Variants in MARCHF3 observed in about 807,000 individuals in gnomAD.
MARCHF3 encodes membrane associated ring-CH-type finger 3, also known as E3 ubiquitin-protein ligase MARCHF3.
A neutral mutation model predicts 24.2 loss-of-function variants in MARCHF3; 13 were observed. That is an observed-to-expected ratio of 0.54 (90% CI 0.35 to 0.85). MARCHF3 has a LOEUF of 0.85. Ranked by LOEUF, MARCHF3 falls within the 40% of genes least tolerant of loss-of-function variation. The pLI is 0.01. For synonymous variants in MARCHF3, 144 were observed against 137.3 expected, an observed-to-expected ratio of 1.05 and a Z score of -0.34; for missense variants, 276 against 325.0, an observed-to-expected ratio of 0.85 and a Z score of 1.16.
chr5:126,880,739 C>A (rs1753314668), intron 3 of MARCHF3, among the ~76,000 whole-genome samples: 1 of 152,114 alleles, frequency 6.6e-6, no homozygotes, highest in Non-Finnish European at 1.5e-5. Context: ...ACAATGGTGA[C>A]CAAATTATAG....
chr5:126,939,883 T>C (rs1322575114), intron 1 of MARCHF3, among the ~76,000 whole-genome samples: 1 of 152,170 alleles, frequency 6.6e-6, no homozygotes, highest in Non-Finnish European at 1.5e-5. Context: ...ATTGAACTCA[T>C]GACCAACAGC....
At chr5:126,990,685 T>C (rs1157925774) in intron 1 of MARCHF3, among the ~76,000 whole-genome samples, 2 of 152,136 alleles carry the variant, frequency 1.3e-5, no homozygotes, top group East Asian at 3.9e-4. Context: ...TACAAAGAAC[T>C]TAGACAAATT....
rs556104703 is a variant in MARCHF3, at chr5:126,907,999, C to T, written c.393+6931G>A. On this transcript the variant is annotated intron_variant, in intron 3 of 4. Coordinates refer to ENST00000308660, the MANE Select transcript of MARCHF3 (RefSeq NM_178450.5). ...ATATTTAGCACTTCCTTCAGGAGCT[C>T]TTTTAGGGCAGGCCTGGTGGTGACA... Among the ~76,000 whole-genome samples the T allele has an allele frequency of 9.2e-5, 14 of 152,180 alleles. No homozygotes were observed. In the East Asian group the frequency reaches 2.7e-3, roughly 29 times the overall value.
intron 4 of MARCHF3, among the ~76,000 whole-genome samples, chr5:126,872,182 CG>C (rs1752999150): frequency 6.9e-6 from 1 of 145,956 alleles, no homozygotes; most frequent in African/African-American, 2.5e-5. Flanking sequence ...CAGGTTCAAG[CG>C]ATTCACCTGC....
chr5:126,875,778 C>T (rs1248449626), intron 4 of MARCHF3, among the ~76,000 whole-genome samples: 5 of 152,200 alleles, frequency 3.3e-5, no homozygotes, highest in Admixed American at 6.5e-5. Context: ...AGGAAGGAGC[C>T]TGGGGCCAAC....
chr5:126,953,447 C>CCAA (rs1750322127), intron 1 of MARCHF3, among the ~76,000 whole-genome samples: 2 of 151,308 alleles, frequency 1.3e-5, no homozygotes, highest in African/African-American at 4.9e-5. Context: ...AGAACATTCT[C>CCAA]CAAAAAAAAA....
At chr5:126,894,493 A>C (rs1302703844) in intron 3 of MARCHF3, among the ~76,000 whole-genome samples, 18 of 150,072 alleles carry the variant, frequency 1.2e-4, no homozygotes, top group Admixed American at 4.0e-4. Context: ...GTGGTGACAA[A>C]ATCTCTCAGC....
At chr5:126,909,729 T>A (rs1453632578) in intron 3 of MARCHF3, among the ~76,000 whole-genome samples, 1 of 152,210 alleles carries the variant, frequency 6.6e-6, no homozygotes, top group African/African-American at 2.4e-5. Flanking sequence ...CCTAGTGAGA[T>A]GAACCTGGTA....
intron 3 of MARCHF3, among the ~76,000 whole-genome samples, chr5:126,893,877 G>A (rs1753780693): frequency 8.0e-5 from 6 of 74,830 alleles, no homozygotes; most frequent in Non-Finnish European, 1.5e-4. Flanking sequence ...TCTGTCTAAT[G>A]TTGACAGTGG....
At chr5:126,896,092 C>T (rs1394206364) in intron 3 of MARCHF3, among the ~76,000 whole-genome samples, 1 of 152,208 alleles carries the variant, frequency 6.6e-6, no homozygotes, top group East Asian at 1.9e-4. Flanking sequence ...TCCGTCACCC[C>T]TTTCTTTGAC....
At chr5:126,886,533 C>T (rs892547018) in intron 3 of MARCHF3, among the ~76,000 whole-genome samples, 1 of 152,142 alleles carries the variant, frequency 6.6e-6, no homozygotes, top group African/African-American at 2.4e-5. Flanking sequence ...GATGCTGTGG[C>T]TTTGATGGAG....
chr5:126,994,736 C>T (rs116218290), intron 1 of MARCHF3, among the ~76,000 whole-genome samples: 7,843 of 152,250 alleles, frequency 0.052, 375 homozygotes, highest in South Asian at 0.14. Context: ...TTGACTCACA[C>T]GACCACAAGG....
intron 1 of MARCHF3, among the ~76,000 whole-genome samples, chr5:126,946,130 G>A (rs1750000726): frequency 6.6e-6 from 1 of 152,004 alleles, no homozygotes; most frequent in Admixed American, 6.6e-5. Flanking sequence ...CAGCACTTTG[G>A]GAGGCTGAGG....
At chr5:126,929,974 G>A (rs1323066739) in intron 1 of MARCHF3, among the ~76,000 whole-genome samples, 3 of 152,108 alleles carry the variant, frequency 2.0e-5, no homozygotes, top group Non-Finnish European at 4.4e-5. Context: ...CCAGCCATGT[G>A]GAACTATGAG....
intron 1 of MARCHF3, among the ~76,000 whole-genome samples, chr5:126,980,534 C>A (rs1244760984): frequency 6.6e-6 from 1 of 152,080 alleles, no homozygotes; most frequent in Non-Finnish European, 1.5e-5. Flanking sequence ...CCAGGCTCGG[C>A]TAATTTTTTG....
At chr5:126,953,606 TG>T (rs1372409234) in intron 1 of MARCHF3, among the ~76,000 whole-genome samples, 1 of 152,260 alleles carries the variant, frequency 6.6e-6, no homozygotes, top group East Asian at 1.9e-4. Flanking sequence ...CTATACAATA[TG>T]GAAGTAAAAT....
intron 1 of MARCHF3, among the ~76,000 whole-genome samples, chr5:127,013,825 G>C (rs575720638): frequency 6.6e-6 from 1 of 152,068 alleles, no homozygotes; most frequent in African/African-American, 2.4e-5. Flanking sequence ...TCAATAAATG[G>C]TGCTAAAAGC....
intron 3 of MARCHF3, among the ~76,000 whole-genome samples, chr5:126,910,691 C>T (rs1580631531): frequency 6.6e-6 from 1 of 152,186 alleles, no homozygotes; most frequent in East Asian, 1.9e-4. Flanking sequence ...ACCTCAGGAC[C>T]CTGTGATGAT....
intron 1 of MARCHF3, among the ~76,000 whole-genome samples, chr5:126,930,584 C>G (rs1749449538): frequency 6.6e-6 from 1 of 152,236 alleles, no homozygotes; most frequent in South Asian, 2.1e-4. Context: ...CCATTCCCAC[C>G]CAGAAAAGCC....
Sources: allele counts gnomAD v4.1 joint callset (sites outside exome capture counted in the v4.1 genomes callset), GRCh38; gene constraint gnomAD v4.1.1; transcripts MANE v1.5; gene names NCBI Gene and HGNC (gene_info 2026-07-23, HGNC 2026-07-21).